FAM91A1: variants seen among roughly 807,000 people sequenced by gnomAD.
The protein encoded by FAM91A1 is protein FAM91A1.
FAM91A1 carries 41 observed loss-of-function variants against 113.5 expected under a neutral mutation model. The observed-to-expected ratio is 0.36, with a 90% CI of 0.28 to 0.47. The LOEUF is 0.47. Among genes scored for constraint, FAM91A1 ranks in the 20% least tolerant of loss-of-function variants. FAM91A1 has a pLI of 1.00. For synonymous variants in FAM91A1, 307 were observed against 347.9 expected (o/e 0.88, Z 1.31); for missense variants, 696 against 1,001.2 (o/e 0.70, Z 4.11).
At position 123,799,661 on chromosome 8, in the gene FAM91A1, G is replaced by T. The variant is rs368999629; in HGVS notation, c.1695+7G>T. The T allele has an allele frequency of 3.7e-6, 6 of 1,613,610 alleles. No homozygotes were observed. Among genetic ancestry groups the T allele is most frequent in the Non-Finnish European group, 5.1e-6 (6 of 1,179,838 alleles). On this transcript the variant is annotated splice_region_variant and intron_variant, in intron 17 of 23. Transcript: ENST00000334705. ...ACTGCCAGATATATTTCAGGTATGTGTGGGAGGTTTGGGTGGTTTTTTTAT... is the reference window on the plus strand; with the variant it reads ...ACTGCCAGATATATTTCAGGTATGTTTGGGAGGTTTGGGTGGTTTTTTTAT...
chr8:123,808,713 C>A, intron 21 of FAM91A1, 180 bp from the exon 22 acceptor site: 1 of 561,826 alleles, frequency 1.8e-6, no homozygotes. Flanking sequence ...AATGCCTATC[C>A]TGTTTAGAGA....
chr8:123,806,508 G>C (rs1378817845), intron 20 of FAM91A1, among the ~76,000 whole-genome samples: 1 of 152,146 alleles, frequency 6.6e-6, no homozygotes, highest in Non-Finnish European at 1.5e-5. Flanking sequence ...GCTTTATAGG[G>C]TGATGGTTTC....
rs1815221189 is a variant in FAM91A1, at chr8:123,785,138, C to A, written c.849+19C>A. 1 of 1,574,898 alleles carries A rather than the reference C, an allele frequency of 6.3e-7. No homozygotes were observed. Among genetic ancestry groups the A allele is most frequent in the Admixed American group, 1.9e-5 (1 of 52,290 alleles). ...GGTTAAGGTATGTTATTTTTATACTCATTTACTGGTGATGTGATAACTGAG... is the reference window on the plus strand; with the variant it reads ...GGTTAAGGTATGTTATTTTTATACTAATTTACTGGTGATGTGATAACTGAG... On this transcript the variant is annotated intron_variant, in intron 10 of 23. Coordinates refer to ENST00000334705, the MANE Select transcript of FAM91A1 (RefSeq NM_144963.4).
rs1334261803 is a variant in FAM91A1, at chr8:123,768,463, C to T, written c.-240C>T. 1.6e-5 allele frequency: 7 copies of T among 436,456 alleles called. No individual in the cohort carries two copies. The Admixed American group carries it at 1.8e-4, about 11-fold the overall frequency. The allele number at this position is 436,456 out of a possible 1,614,324, so 27.0% of individuals were successfully genotyped here. On this transcript the variant is annotated 5_prime_UTR_variant, in exon 1 of 24. Transcript: ENST00000334705. ...CAGAGCCATTTCCGGCGGCCCGAAA[C>T]TAGGAAGAAACTTGGAGCTGTTCAG...
At chr8:123,788,479 A>C (rs1270924594) in intron 14 of FAM91A1, among the ~76,000 whole-genome samples, 2 of 152,036 alleles carry the variant, frequency 1.3e-5, no homozygotes, top group Non-Finnish European at 2.9e-5. Flanking sequence ...TATATCTTAA[A>C]AAAAAAAGAC....
chr8:123,798,381 G>A, intron 16 of FAM91A1, 143 bp downstream of exon 16: 1 of 914,636 alleles, frequency 1.1e-6, no homozygotes, highest in Non-Finnish European at 1.6e-6. Context: ...AAGATGATAT[G>A]TTCAATTTGT....
intron 15 of FAM91A1, among the ~76,000 whole-genome samples, chr8:123,790,158 G>C (rs565658918): frequency 4.2e-4 from 64 of 152,282 alleles, no homozygotes; most frequent in African/African-American, 1.4e-3. Flanking sequence ...AAATGCTACT[G>C]CAATACTTAC....
intron 1 of FAM91A1, among the ~76,000 whole-genome samples, chr8:123,773,250 A>G (rs1217799909): frequency 6.6e-6 from 1 of 152,234 alleles, no homozygotes; most frequent in Non-Finnish European, 1.5e-5. Context: ...GTTTTGGCTT[A>G]CCTATGAGTA....
At chr8:123,777,178 T>C in intron 3 of FAM91A1, 87 bp from the exon 4 acceptor site, 1 of 909,088 alleles carries the variant, frequency 1.1e-6, no homozygotes, top group Non-Finnish European at 1.7e-6. Flanking sequence ...ATAATCATTG[T>C]TATTGGCTGT....
chr8:123,774,211 T>G lies in FAM91A1; in HGVS notation c.157+47T>G, dbSNP rs1354595338. On this transcript the variant is annotated intron_variant, in intron 2 of 23. Transcript: ENST00000334705. ...TTGGGGTGGAACTGACCACTACTCT[T>G]TCACATTCGTAAATCTTTCTTTTCA... 6 of 1,379,166 alleles carry G rather than the reference T, an allele frequency of 4.4e-6. No homozygotes were observed. In the Admixed American group the frequency reaches 1.2e-4, roughly 29 times the overall value. 85.4% of individuals were successfully genotyped at this position (1,379,166 alleles called of 1,614,324 possible). A position where few individuals can be genotyped will look rare whatever the true frequency, so the allele number is the denominator to read the frequency against.
chr8:123,788,360 T>A (rs749460908), intron 14 of FAM91A1: 2 of 580,828 alleles, frequency 3.4e-6, no homozygotes, highest in Non-Finnish European at 4.3e-6. Flanking sequence ...ATAGTTTGTG[T>A]GCCTAATCTG....
At chr8:123,808,508 C>A in intron 21 of FAM91A1, 132 bp downstream of exon 21, 1 of 563,146 alleles carries the variant, frequency 1.8e-6, no homozygotes, top group Non-Finnish European at 2.9e-6. Flanking sequence ...TTCTAGGAAG[C>A]CTTTTTACAT....
intron 1 of FAM91A1, among the ~76,000 whole-genome samples, chr8:123,770,847 T>C (rs1287400234): frequency 1.3e-5 from 2 of 152,222 alleles, no homozygotes; most frequent in Non-Finnish European, 2.9e-5. Context: ...TAGGATAAGG[T>C]TGGCCATTTG....
chr8:123,771,343 C>T (rs1814832471), intron 1 of FAM91A1, among the ~76,000 whole-genome samples: 1 of 152,152 alleles, frequency 6.6e-6, no homozygotes, highest in African/African-American at 2.4e-5. Flanking sequence ...GGGAATATTC[C>T]TTCTATGGAA....
intron 16 of FAM91A1, among the ~76,000 whole-genome samples, chr8:123,798,952 T>A (rs1168564030): frequency 1.3e-5 from 2 of 152,218 alleles, no homozygotes; most frequent in East Asian, 1.9e-4. Context: ...CTAACCTTTT[T>A]AAAATAATTC....
intron 18 of FAM91A1, among the ~76,000 whole-genome samples, chr8:123,800,878 A>G (rs1367306700): frequency 6.6e-6 from 1 of 152,150 alleles, no homozygotes; most frequent in African/African-American, 2.4e-5. Flanking sequence ...GAGGCCAAAT[A>G]ATGTTCCATT....
At chr8:123,803,784 T>G (rs997730824) in intron 18 of FAM91A1, among the ~76,000 whole-genome samples, 1 of 152,172 alleles carries the variant, frequency 6.6e-6, no homozygotes, top group Non-Finnish European at 1.5e-5. Context: ...AAAAGAGAGC[T>G]CTCAGAAATA....
rs1816032430 is a variant in FAM91A1 at position 123,814,687 on chromosome 8, G to A, written c.*1983G>A. Reference sequence around the variant, plus strand: ...AAGGGTAATCATCTGATTCCGAGCTGAAGACCTCTGGTCCTCTTAAGGAGG... The same window carrying A: ...AAGGGTAATCATCTGATTCCGAGCTAAAGACCTCTGGTCCTCTTAAGGAGG... On this transcript the variant is annotated 3_prime_UTR_variant, in exon 24 of 24. Coordinates refer to ENST00000334705, the MANE Select transcript of FAM91A1 (RefSeq NM_144963.4). 1 of 152,604 alleles carries A rather than the reference G, an allele frequency of 6.6e-6. No homozygotes were observed. The highest frequency in any genetic ancestry group is 3.4e-3 in the Middle Eastern group (1 of 292). 9.5% of individuals were successfully genotyped at this position (152,604 alleles called of 1,614,324 possible).
rs1814766921 is a variant in FAM91A1 at position 123,768,715 on chromosome 8, G to A, written c.13G>A (p.Val5Met). Residue 5 changes from valine (V) to methionine (M), a missense_variant, in exon 1 of 24, where the codon GTG (valine) becomes ATG (methionine). By Grantham distance (21) the Val-to-Met change is conservative. Transcript: ENST00000334705. ...TGGCCGCGGCATCATGAACATAGAC[G>A]TGGAGTTCCACATCCGGCACAACTA... MNID[V>M]EFHIRHNYPW... 7.5e-6 allele frequency: 12 copies of A among 1,608,450 alleles called. No homozygotes were observed. The highest frequency in any genetic ancestry group is 1.0e-5 in the Non-Finnish European group (12 of 1,177,576).
Sources: gnomAD v4.1 joint callset for allele counts (sites outside exome capture counted in the v4.1 genomes callset) on GRCh38, gnomAD v4.1.1 for gene constraint, MANE v1.5 for transcripts, NCBI Gene and HGNC (gene_info 2026-07-23, HGNC 2026-07-21) for gene names.